Variants in PDZD8 observed in about 807,000 individuals in gnomAD.
PDZD8 encodes the protein PDZ domain-containing protein 8.
Under a neutral mutation model 85.8 loss-of-function variants are expected in PDZD8, and 14 were observed. That is an observed-to-expected ratio of 0.16 (90% CI 0.11 to 0.26). PDZD8 has a LOEUF of 0.26. Among genes scored for constraint, PDZD8 ranks in the 10% least tolerant of loss-of-function variants. The pLI is 1.00. For missense variants in PDZD8, 1,197 were observed against 1,424.3 expected, an observed-to-expected ratio of 0.84 and a Z score of 2.57; for synonymous variants, 592 against 568.6, an observed-to-expected ratio of 1.04 and a Z score of -0.59.
Position 117,368,038 on chromosome 10 carries a change from T to C in PDZD8, c.872+6318A>G, listed in dbSNP as rs73393107. Among the ~76,000 whole-genome samples the C allele has an allele frequency of 4.7e-3, 723 of 152,342 alleles. 11 individuals carry two copies. The highest frequency in any genetic ancestry group is 0.017 in the African/African-American group (695 of 41,572). ...TCACAAAACTGAAGGGCTTAAATAT[T>C]TCCAATGCCACTAAAATAAGCTTTA... On this transcript the variant is annotated intron_variant, in intron 1 of 4. Transcript: ENST00000334464.
At chr10:117,306,176 G>T (rs914656463) in intron 3 of PDZD8, among the ~76,000 whole-genome samples, 1 of 152,116 alleles carries the variant, frequency 6.6e-6, no homozygotes, top group East Asian at 1.9e-4. Context: ...ATGGTAAATC[G>T]GGAATGTATC....
At chr10:117,294,550 A>C (rs1843724386) in intron 3 of PDZD8, among the ~76,000 whole-genome samples, 1 of 152,202 alleles carries the variant, frequency 6.6e-6, no homozygotes, top group Non-Finnish European at 1.5e-5. Flanking sequence ...ATATACTTGC[A>C]CTTCCTTGAT....
rs547008123 is a variant in PDZD8, at chr10:117,375,403, G to A, written c.-176C>T. 1.9e-3 allele frequency: 647 copies of A among 333,678 alleles called. 3 individuals are homozygous for A. The highest frequency in any genetic ancestry group is 0.013 in the African/African-American group (585 of 46,200). 20.7% of individuals were successfully genotyped at this position (333,678 alleles called of 1,614,324 possible). The stretch of plus-strand genomic sequence containing the variant: ...GCGCTGCGGCGCCCGAGCCCGCAGC[G>A]GCCCGCGCCTCCTCAGACGCTCCCG... On this transcript the variant is annotated 5_prime_UTR_variant, in exon 1 of 5. Transcript: ENST00000334464.
At chr10:117,307,245 A>AT (rs34713936) in intron 3 of PDZD8, among the ~76,000 whole-genome samples, 2 of 151,656 alleles carry the variant, frequency 1.3e-5, no homozygotes, top group African/African-American at 4.8e-5. Context: ...TAGGTTTCTA[A>AT]TTTTTTTTAA....
intron 3 of PDZD8, among the ~76,000 whole-genome samples, chr10:117,299,000 A>G (rs1039628206): frequency 6.6e-6 from 1 of 152,090 alleles, no homozygotes; most frequent in Admixed American, 6.6e-5. Flanking sequence ...AGGCAGTACA[A>G]TCAGCCCTCC....
chr10:117,325,407 T>TTTTTTTTTTTC (rs1844299215), intron 2 of PDZD8, among the ~76,000 whole-genome samples: 1 of 131,842 alleles, frequency 7.6e-6, no homozygotes, highest in Admixed American at 7.7e-5. Flanking sequence ...AAGCCAACTT[T>TTTTTTTTTTTC]TTTTTTTTTT....
intron 2 of PDZD8, among the ~76,000 whole-genome samples, chr10:117,340,091 G>C (rs1388297990): frequency 1.3e-5 from 2 of 152,190 alleles, no homozygotes; most frequent in East Asian, 3.8e-4. Context: ...TTTGGTGCTG[G>C]CAAAGTAAAA....
chr10:117,281,663 G>A lies in PDZD8; in HGVS notation c.*1605C>T, dbSNP rs949724722. 1 of 152,168 alleles carries A rather than the reference G, an allele frequency of 6.6e-6. No individual in the cohort carries two copies. The highest frequency in any genetic ancestry group is 2.4e-5 in the African/African-American group (1 of 41,434). 9.4% of individuals were successfully genotyped at this position (152,168 alleles called of 1,614,324 possible). ...TCCCTCACAACAATACTGTGAGGGA[G>A]GTAAAGTATTATTATTCCCATTTTA... On this transcript the variant is annotated 3_prime_UTR_variant, in exon 5 of 5. Transcript: ENST00000334464.
intron 1 of PDZD8, among the ~76,000 whole-genome samples, chr10:117,342,765 C>T (rs1411867113): frequency 1.3e-5 from 2 of 152,218 alleles, no homozygotes; most frequent in Middle Eastern, 3.2e-3. Context: ...GCTGGGATTA[C>T]AGGCCTGAGC....
rs367979750 is a variant in PDZD8 at position 117,283,850 on chromosome 10, G to A, written c.2883C>T (p.Thr961=). The change falls in exon 5 of 5, where the codon ACC becomes ACT. Residue 961 remains threonine (T), a synonymous_variant. Coordinates refer to ENST00000334464, the MANE Select transcript of PDZD8 (RefSeq NM_173791.5). ...GTTTTGGTGAAGGTTCTACGAGATC[G>A]GTTCCTGGTTCAGAAAGGCGAGTTT... ...VSKTRLSEPG[T]DLVEPSPKHT... 5.6e-6 allele frequency: 9 copies of A among 1,613,994 alleles called. No homozygotes were observed. Among genetic ancestry groups the A allele is most frequent in the Admixed American group, 3.3e-5 (2 of 59,994 alleles).
chr10:117,343,484 G>A (rs1844651830), intron 1 of PDZD8, among the ~76,000 whole-genome samples: 1 of 152,128 alleles, frequency 6.6e-6, no homozygotes, highest in South Asian at 2.1e-4. Context: ...GTAGCTGGGT[G>A]CTTTTAACAC....
chr10:117,321,926 A>G (rs1844232615), intron 2 of PDZD8, among the ~76,000 whole-genome samples: 1 of 152,204 alleles, frequency 6.6e-6, no homozygotes, highest in Non-Finnish European at 1.5e-5. Context: ...TTAATTGTGA[A>G]AAATAACCAT....
chr10:117,342,839 C>T (rs950283802), intron 1 of PDZD8, among the ~76,000 whole-genome samples: 1 of 152,180 alleles, frequency 6.6e-6, no homozygotes, highest in African/African-American at 2.4e-5. Context: ...ACATTCCAAT[C>T]TAGAAAGTCA....
At chr10:117,369,309 C>T (rs56755858) in intron 1 of PDZD8, among the ~76,000 whole-genome samples, 3 of 151,812 alleles carry the variant, frequency 2.0e-5, no homozygotes, top group African/African-American at 4.8e-5. Flanking sequence ...CAGGCATGTG[C>T]CACCATGCCC....
Position 117,284,026 on chromosome 10 carries a change from T to C in PDZD8, c.2707A>G (p.Lys903Glu). ...TCCTGTCCTTCCAGCCTAAGGTTTT[T>C]CAGTGTCCTGTCTATTCGCCTATCA... is the stretch of plus-strand genomic sequence containing the variant. The part of the protein sequence containing the change: ...ATDRRIDRTL[K>E]NLRLEGQETL... Residue 903 changes from lysine to glutamate, a missense_variant, in exon 5 of 5, where the codon AAA becomes GAA. Transcript: ENST00000334464. The C allele has an allele frequency of 6.2e-7, 1 of 1,614,224 alleles. No homozygotes were observed. The highest frequency in any genetic ancestry group is 2.2e-5 in the East Asian group (1 of 44,874).
chr10:117,306,991 T>G (rs561697196), intron 3 of PDZD8, among the ~76,000 whole-genome samples: 3 of 152,262 alleles, frequency 2.0e-5, no homozygotes, highest in Non-Finnish European at 2.9e-5. Flanking sequence ...ACAGACCTTA[T>G]TCCAGCTGAA....
chr10:117,368,850 TG>T (rs1340681050), intron 1 of PDZD8, among the ~76,000 whole-genome samples: 8 of 115,782 alleles, frequency 6.9e-5, no homozygotes, highest in South Asian at 3.0e-4. Context: ...ATATTGACAA[TG>T]TTTTTTTTTT....
chr10:117,323,965 C>T (rs191010097), intron 2 of PDZD8, among the ~76,000 whole-genome samples: 6 of 152,088 alleles, frequency 3.9e-5, no homozygotes, highest in East Asian at 3.9e-4. Context: ...CAGTAGCTCT[C>T]GCCCGTAATC....
intron 2 of PDZD8, among the ~76,000 whole-genome samples, chr10:117,330,436 G>A (rs1265501511): frequency 6.6e-6 from 1 of 152,176 alleles, no homozygotes; most frequent in Non-Finnish European, 1.5e-5. Flanking sequence ...GAAGGTAACT[G>A]TGTCTTGTTC....
Sources: gnomAD v4.1 joint callset for allele counts (sites outside exome capture counted in the v4.1 genomes callset) on GRCh38, gnomAD v4.1.1 for gene constraint, MANE v1.5 for transcripts, NCBI Gene and HGNC (gene_info 2026-07-23, HGNC 2026-07-21) for gene names.